ATP8A2: variants seen among roughly 807,000 people sequenced by gnomAD.
The protein encoded by ATP8A2 is phospholipid-transporting ATPase IB.
Under a neutral mutation model 165.6 loss-of-function variants are expected in ATP8A2, and 100 were observed. That is an observed-to-expected ratio of 0.60 (90% CI 0.51 to 0.71). ATP8A2 has a LOEUF of 0.71. Among genes scored for constraint, ATP8A2 ranks in the 30% least tolerant of loss-of-function variants. The pLI is 0.00. For synonymous variants in ATP8A2, 543 were observed against 548.8 expected (o/e 0.99, Z 0.15); for missense variants, 1,227 against 1,479.5 (o/e 0.83, Z 2.80).
intron 33 of ATP8A2, among the ~76,000 whole-genome samples, chr13:25,901,550 C>G (rs1425546688): frequency 2.0e-5 from 3 of 151,748 alleles, no homozygotes; most frequent in Admixed American, 1.3e-4. Context: ...TCAAATCAAC[C>G]AGCAAGGGCA....
chr13:25,881,901 G>C (rs1212366265), intron 33 of ATP8A2, among the ~76,000 whole-genome samples: 2 of 152,202 alleles, frequency 1.3e-5, no homozygotes, highest in African/African-American at 4.8e-5. Flanking sequence ...AAGGCAGAGA[G>C]GTCCTGGGTG....
At chr13:26,012,471 CTCCTTGTGCAACCCGAGTG>C (rs1956869422) in intron 35 of ATP8A2, 41 bp from the exon 36 acceptor site, 1 of 1,382,914 alleles carries the variant, frequency 7.2e-7, no homozygotes. Flanking sequence ...TTCTGTCTGT[CTCCTTGTGCAACCCGAGTG>C]TTCAGGTGAC....
chr13:25,926,403 C>T (rs1448507549), intron 33 of ATP8A2, among the ~76,000 whole-genome samples: 1 of 152,178 alleles, frequency 6.6e-6, no homozygotes, highest in African/African-American at 2.4e-5. Context: ...CCCTACCTAC[C>T]ATCAACTCCC....
Position 25,750,925 on chromosome 13 carries a change from A to C in ATP8A2, c.2385-18121A>C, listed in dbSNP as rs1345435257. Among the ~76,000 whole-genome samples, 1 of 152,194 alleles carries C rather than the reference A, an allele frequency of 6.6e-6. No homozygotes were observed. Among genetic ancestry groups the C allele is most frequent in the Non-Finnish European group, 1.5e-5 (1 of 68,024 alleles). On this transcript the variant is annotated intron_variant, in intron 25 of 36. Coordinates refer to ENST00000381655, the MANE Select transcript of ATP8A2 (RefSeq NM_016529.6). This position sits in a 1 kb window ranked among gnomAD's most constrained non-coding sequence, Gnocchi z 4.3. ...CTGTCCAGGGTCCAACAGGGAACTG[A>C]AATCTTGGAGGTTTTCAGCACCACA...
At chr13:25,643,764 G>A (rs2041598983) in intron 24 of ATP8A2, among the ~76,000 whole-genome samples, 1 of 150,328 alleles carries the variant, frequency 6.7e-6, no homozygotes, top group Admixed American at 6.7e-5. Flanking sequence ...AGTTCCAGAT[G>A]AATTTTAGGA....
At chr13:25,832,115 A>G (rs1235084849) in intron 28 of ATP8A2, among the ~76,000 whole-genome samples, 2 of 151,582 alleles carry the variant, frequency 1.3e-5, no homozygotes, top group African/African-American at 2.4e-5. Context: ...AATTTTCTGT[A>G]TTTTTAATAG....
chr13:25,399,613 G>A (rs1243161892), intron 1 of ATP8A2, among the ~76,000 whole-genome samples: 10 of 133,992 alleles, frequency 7.5e-5, no homozygotes, highest in African/African-American at 2.2e-4. Context: ...CGTTTTAGCC[G>A]GGATGGTCTC....
At chr13:25,964,922 G>A (rs1439654714) in intron 34 of ATP8A2, among the ~76,000 whole-genome samples, 1 of 152,220 alleles carries the variant, frequency 6.6e-6, no homozygotes, top group East Asian at 1.9e-4. Flanking sequence ...CACTTTGGGA[G>A]GCCGAGGTGG....
intron 27 of ATP8A2, among the ~76,000 whole-genome samples, chr13:25,777,719 G>A (rs1185956780): frequency 1.3e-5 from 2 of 152,166 alleles, no homozygotes; most frequent in African/African-American, 4.8e-5. Context: ...ATTATTATGA[G>A]GATCATTATA....
In ATP8A2 at chr13:25,530,548, CTCTTA is replaced by C; in HGVS notation, c.322-9_322-5del. The stretch of plus-strand genomic sequence containing the variant: ...AATGTGCCAACTTCCTACTTGTGGT[CTCTTA>C]TCTTCCAGCAAATTCCAGATGTATC... On this transcript the variant is annotated splice_polypyrimidine_tract_variant and intron_variant, in intron 3 of 36. Transcript: ENST00000381655. The C allele has an allele frequency of 6.7e-7, 1 of 1,500,724 alleles. No individual in the cohort carries two copies. The highest frequency in any genetic ancestry group is 9.2e-7 in the Non-Finnish European group (1 of 1,092,464). The allele number at this position is 1,500,724 out of a possible 1,614,324, so 93.0% of individuals were successfully genotyped here. A position where few individuals can be genotyped will look rare whatever the true frequency, so the allele number is the denominator to read the frequency against.
At chr13:25,895,390 A>G (rs1953504444) in intron 33 of ATP8A2, among the ~76,000 whole-genome samples, 3 of 152,204 alleles carry the variant, frequency 2.0e-5, no homozygotes, top group Admixed American at 2.0e-4. Flanking sequence ...AGCCCACTTG[A>G]TCATGGTGGA....
chr13:25,694,956 G>A (rs893785488), intron 24 of ATP8A2, among the ~76,000 whole-genome samples: 3 of 152,150 alleles, frequency 2.0e-5, no homozygotes, highest in African/African-American at 7.2e-5. Flanking sequence ...TGGGATTACA[G>A]GCATGAGCCA....
intron 1 of ATP8A2, among the ~76,000 whole-genome samples, chr13:25,463,762 C>T (rs1020961325): frequency 6.6e-6 from 1 of 152,154 alleles, no homozygotes; most frequent in African/African-American, 2.4e-5. Flanking sequence ...ATGAAGTGAA[C>T]AAAGTGCATG....
intron 34 of ATP8A2, among the ~76,000 whole-genome samples, chr13:25,967,980 T>C (rs7328080): frequency 0.14 from 22,064 of 152,168 alleles, 1,781 homozygotes; most frequent in South Asian, 0.24. Context: ...TGGTGAGTTG[T>C]TGCCAGAGGA....
chr13:25,463,111 A>G (rs1017212008), intron 1 of ATP8A2, among the ~76,000 whole-genome samples: 3 of 112,746 alleles, frequency 2.7e-5, no homozygotes, highest in Non-Finnish European at 5.4e-5. Flanking sequence ...AGATGAAGGT[A>G]TTTCTTTCTG....
chr13:25,842,197 T>G (rs1951759859), intron 30 of ATP8A2, among the ~76,000 whole-genome samples: 1 of 152,196 alleles, frequency 6.6e-6, no homozygotes, highest in Admixed American at 6.5e-5. Context: ...TTTGGAGTTA[T>G]TAATAGCTTC....
At chr13:25,459,065 G>A (rs2035437583) in intron 1 of ATP8A2, among the ~76,000 whole-genome samples, 1 of 152,170 alleles carries the variant, frequency 6.6e-6, no homozygotes, top group Admixed American at 6.5e-5. Flanking sequence ...GCAGACCAGA[G>A]GAGGCAGAAG....
chr13:26,023,771 T>C lies in ATP8A2; in HGVS notation c.*3786T>C, dbSNP rs572769490. The C allele has an allele frequency of 3.9e-5, 6 of 152,216 alleles. No individual in the cohort carries two copies. Among genetic ancestry groups the C allele is most frequent in the Non-Finnish European group, 8.8e-5 (6 of 68,030 alleles). 9.4% of individuals were successfully genotyped at this position (152,216 alleles called of 1,614,324 possible). On this transcript the variant is annotated 3_prime_UTR_variant, in exon 37 of 37. Transcript: ENST00000381655. ...GAACGTGTGAAAGGACTGCACACTT[T>C]TCAGCCAGGGTTTGAGTTACTGCCC...
At chr13:25,490,767 G>GT (rs1267418703) in intron 2 of ATP8A2, among the ~76,000 whole-genome samples, 54 of 148,624 alleles carry the variant, frequency 3.6e-4, no homozygotes, top group African/African-American at 1.1e-3. Flanking sequence ...TTTGTTTTTT[G>GT]TTTTTTTTGG....
Sources: gnomAD v4.1 joint callset for allele counts (sites outside exome capture counted in the v4.1 genomes callset) on GRCh38, gnomAD v4.1.1 for gene constraint, Gnocchi (gnomAD v3.1) non-coding constraint, MANE v1.5 for transcripts, NCBI Gene and HGNC (gene_info 2026-07-23, HGNC 2026-07-21) for gene names.